The following ACACA variants were observed in gnomAD, a reference collection of about 807,000 sequenced individuals.
The protein encoded by ACACA is acetyl-CoA carboxylase 1.
Under a neutral mutation model 296.1 loss-of-function variants are expected in ACACA, and 103 were observed. That is an observed-to-expected ratio of 0.35 (90% CI 0.30 to 0.41). The LOEUF is 0.41. Ranked by LOEUF, ACACA falls within the 10% of genes least tolerant of loss-of-function variation. The pLI, the probability that ACACA is intolerant of heterozygous loss-of-function variation, is 1.00. For synonymous variants in ACACA, 953 were observed against 1,038.6 expected (o/e 0.92, Z 1.58); for missense variants, 1,554 against 2,989.7 (o/e 0.52, Z 11.20).
rs116947646 is a variant in ACACA at position 37,360,820 on chromosome 17, G to T, written c.39-20970C>A. Among the ~76,000 whole-genome samples the T allele has an allele frequency of 1.5e-3, 221 of 152,214 alleles. 8 individuals carry two copies. In the East Asian group the frequency reaches 0.042, roughly 29 times the overall value. ...TGGACAAATGTAGTGGGAGGAAAAA[G>T]ATAATTGGGCAAGACTTCCTGGTTT... On this transcript the variant is annotated intron_variant, in intron 1 of 55. Coordinates refer to ENST00000616317, the MANE Select transcript of ACACA (RefSeq NM_198834.3).
At chr17:37,382,837 C>T (rs912123435) in intron 1 of ACACA, among the ~76,000 whole-genome samples, 7 of 151,790 alleles carry the variant, frequency 4.6e-5, no homozygotes, top group Admixed American at 1.3e-4. Context: ...TCCAGCCTGG[C>T]GACAGAGCGA....
chr17:37,096,825 G>A lies in ACACA; in HGVS notation c.6891+171C>T, dbSNP rs556408423. ...CTACCACCTCTTCTAACAAGATGTC[G>A]TGACATGACATGTTAGGGGGAGTAG... On this transcript the variant is annotated intron_variant, in intron 54 of 55. Coordinates refer to ENST00000616317, the MANE Select transcript of ACACA (RefSeq NM_198834.3). Among the ~76,000 whole-genome samples the A allele has an allele frequency of 5.9e-5, 9 of 152,224 alleles. No individual in the cohort carries two copies. In the South Asian group the frequency reaches 1.5e-3, roughly 25 times the overall value.
At chr17:37,321,604 C>T (rs2047358553) in intron 3 of ACACA, among the ~76,000 whole-genome samples, 1 of 152,086 alleles carries the variant, frequency 6.6e-6, no homozygotes, top group Admixed American at 6.6e-5. Flanking sequence ...AAAAATTAGC[C>T]AGGCGTGGCG....
At chr17:37,107,536 G>GT (rs1413517981) in intron 52 of ACACA, among the ~76,000 whole-genome samples, 1 of 152,202 alleles carries the variant, frequency 6.6e-6, no homozygotes, top group Non-Finnish European at 1.5e-5. Context: ...GGCATGGTGG[G>GT]TGTGGGCAGG....
intron 29 of ACACA, among the ~76,000 whole-genome samples, chr17:37,216,844 A>C (rs989001471): frequency 6.6e-6 from 1 of 151,826 alleles, no homozygotes; most frequent in Admixed American, 6.6e-5. Flanking sequence ...AAAAAAAAAA[A>C]CAAAAACAAA....
chr17:37,229,743 A>ATG (rs1651710629), intron 25 of ACACA, among the ~76,000 whole-genome samples: 1 of 152,036 alleles, frequency 6.6e-6, no homozygotes, highest in Non-Finnish European at 1.5e-5. Context: ...AAACAACAGT[A>ATG]TGTGTAAGAA....
At chr17:37,326,549 G>A (rs2047631813) in intron 3 of ACACA, among the ~76,000 whole-genome samples, 1 of 149,288 alleles carries the variant, frequency 6.7e-6, no homozygotes, top group African/African-American at 2.5e-5. Flanking sequence ...AAAAAAAAAA[G>A]GCTGGGCATG....
intron 1 of ACACA, chr17:37,367,492 T>G (rs2049650615): frequency 1.3e-5 from 2 of 152,186 alleles, no homozygotes; most frequent in African/African-American, 4.8e-5. Context: ...ACTCTGTCGC[T>G]AATTAGCTCT....
chr17:37,195,800 T>C (rs1252451627), intron 35 of ACACA, among the ~76,000 whole-genome samples: 1 of 152,202 alleles, frequency 6.6e-6, no homozygotes, highest in African/African-American at 2.4e-5. Flanking sequence ...CTCATCCTCA[T>C]ACTGCCAGTT....
Position 37,245,220 on chromosome 17 carries a change from G to T in ACACA, c.2461-6C>A. ...GTCATTACCATCTTCATTACCTATA[G>T]TGAAAAATAAACTAGACTCAGATTT... is the stretch of plus-strand genomic sequence containing the variant. On this transcript the variant is annotated splice_polypyrimidine_tract_variant and splice_region_variant and intron_variant, in intron 19 of 55. Transcript: ENST00000616317. 1 of 1,613,454 alleles carries T rather than the reference G, an allele frequency of 6.2e-7. No individual in the cohort carries two copies. The highest frequency in any genetic ancestry group is 2.2e-5 in the East Asian group (1 of 44,880).
intron 3 of ACACA, among the ~76,000 whole-genome samples, chr17:37,287,585 A>C (rs1191240694): frequency 2.0e-5 from 3 of 146,788 alleles, no homozygotes; most frequent in Non-Finnish European, 4.5e-5. Flanking sequence ...AAAAAAAAAA[A>C]AAAAACAAAT....
At position 37,086,805 on chromosome 17, in the gene ACACA, G is replaced by A; in HGVS notation, c.*511C>T. 1 of 193,458 alleles carries A rather than the reference G, an allele frequency of 5.2e-6. No individual in the cohort carries two copies. Among genetic ancestry groups the A allele is most frequent in the Non-Finnish European group, 1.1e-5 (1 of 91,912 alleles). 12.0% of individuals were successfully genotyped at this position (193,458 alleles called of 1,614,324 possible). A position where few individuals can be genotyped will look rare whatever the true frequency, so the allele number is the denominator to read the frequency against. ...AAACTGGGAATCATTCCTCTCCAGT[G>A]CCTACTGTGTGCTGGGCTAAGAGTC... On this transcript the variant is annotated 3_prime_UTR_variant, in exon 56 of 56. Transcript: ENST00000616317.
chr17:37,258,084 C>A, intron 13 of ACACA, 128 bp downstream of exon 13: 1 of 1,256,452 alleles, frequency 8.0e-7, no homozygotes, highest in South Asian at 1.3e-5. Flanking sequence ...TACTTATCTG[C>A]TCTGAGAAAC....
chr17:37,287,491 G>T (rs537901277), intron 3 of ACACA, among the ~76,000 whole-genome samples: 1 of 151,610 alleles, frequency 6.6e-6, no homozygotes. Context: ...CAGCACTTTG[G>T]GAGGCCAAGG....
chr17:37,196,045 A>T (rs1167905311), intron 35 of ACACA, among the ~76,000 whole-genome samples: 2 of 152,154 alleles, frequency 1.3e-5, no homozygotes, highest in Admixed American at 6.6e-5. Context: ...CAAATTAGCC[A>T]ATCAAGACAC....
At chr17:37,395,058 T>C (rs2051032343) in intron 1 of ACACA, among the ~76,000 whole-genome samples, 1 of 152,144 alleles carries the variant, frequency 6.6e-6, no homozygotes, top group South Asian at 2.1e-4. Flanking sequence ...AATATATCTC[T>C]TTATGGACAT....
chr17:37,374,651 C>T (rs1326689343), intron 1 of ACACA, among the ~76,000 whole-genome samples: 1 of 152,098 alleles, frequency 6.6e-6, no homozygotes, highest in Non-Finnish European at 1.5e-5. Context: ...TTACACTAGA[C>T]ACTAAAAAAA....
At chr17:37,263,540 A>AT (rs2081609868) in intron 11 of ACACA, 145 bp downstream of exon 11, 32 of 742,490 alleles carry the variant, frequency 4.3e-5, no homozygotes, top group Non-Finnish European at 5.6e-5. Flanking sequence ...GAACAGTAGA[A>AT]TTTTTTTTCT....
chr17:37,352,852 C>T (rs1356980860), intron 1 of ACACA, among the ~76,000 whole-genome samples: 7 of 152,072 alleles, frequency 4.6e-5, no homozygotes, highest in Non-Finnish European at 8.8e-5. Flanking sequence ...ATGCTGGAGA[C>T]ATTTACAGGT....
Sources: gnomAD v4.1 joint callset for allele counts (sites outside exome capture counted in the v4.1 genomes callset) on GRCh38, gnomAD v4.1.1 for gene constraint, MANE v1.5 for transcripts, NCBI Gene and HGNC (gene_info 2026-07-23, HGNC 2026-07-21) for gene names.